Variants in EPB41L2 observed in about 807,000 individuals in gnomAD.
EPB41L2 encodes band 4.1-like protein 2.
EPB41L2 carries 43 observed loss-of-function variants against 113.0 expected under a neutral mutation model. The observed-to-expected ratio is 0.38, with a 90% CI of 0.30 to 0.49. EPB41L2 has a LOEUF of 0.49. Ranked by LOEUF, EPB41L2 falls within the 20% of genes least tolerant of loss-of-function variation. The pLI is 0.95. For synonymous variants in EPB41L2, 442 were observed against 436.7 expected, an observed-to-expected ratio of 1.01 and a Z score of -0.15; for missense variants, 1,147 against 1,223.4, an observed-to-expected ratio of 0.94 and a Z score of 0.93.
chr6:130,891,272 C>G (rs188365894), intron 10 of EPB41L2, among the ~76,000 whole-genome samples: 1 of 151,996 alleles, frequency 6.6e-6, no homozygotes, highest in Admixed American at 6.5e-5. Flanking sequence ...TTAAAGAACA[C>G]TATCATTTCA....
chr6:130,883,700 A>G (rs2128469717), intron 12 of EPB41L2, among the ~76,000 whole-genome samples: 1 of 152,316 alleles, frequency 6.6e-6, no homozygotes, highest in Middle Eastern at 3.4e-3. Flanking sequence ...TTGTTAGCAA[A>G]ATTTTTAAAG....
Position 130,876,006 on chromosome 6 carries a change from G to GA in EPB41L2, c.2043+2097dup, listed in dbSNP as rs200492445. On this transcript the variant is annotated intron_variant, in intron 14 of 19. Transcript: ENST00000337057. ...TCTCAAAAAAAAAAAAAAGAAGAAA[G>GA]AAAAAAAAGAAACTTTTCTAATTAA... Among the ~76,000 whole-genome samples the GA allele has an allele frequency of 4.4e-3, 651 of 148,992 alleles. 7 individuals carry two copies. The highest frequency in any genetic ancestry group is 0.015 in the African/African-American group (624 of 40,836).
rs374574027 is a variant in EPB41L2, at chr6:131,054,324, G to T, written c.-15+8831C>A. 5.2e-4 allele frequency among the ~76,000 whole-genome samples: 71 copies of T among 137,144 alleles called. No individual in the cohort carries two copies. The East Asian group carries it at 8.1e-3, about 16-fold the overall frequency. The allele number at this position is 137,144 out of a possible 152,430, so 90.0% of individuals were successfully genotyped here. On this transcript the variant is annotated intron_variant, in intron 1 of 19. Transcript: ENST00000337057. The stretch of plus-strand genomic sequence containing the variant: ...CTCATTCAAGTCCCTATAGGACCCT[G>T]TCTCTATCTGTCCCTGTCTGTCCCT...
intron 1 of EPB41L2, among the ~76,000 whole-genome samples, chr6:130,989,794 G>A (rs536520075): frequency 3.3e-5 from 5 of 152,294 alleles, no homozygotes; most frequent in East Asian, 1.9e-4. Context: ...TCAGTGGAAC[G>A]AAGTGGATAA....
Position 130,954,608 on chromosome 6 carries a change from T to C in EPB41L2, c.705+497A>G, listed in dbSNP as rs1244153622. On this transcript the variant is annotated intron_variant, in intron 3 of 19. Coordinates refer to ENST00000337057, the MANE Select transcript of EPB41L2 (RefSeq NM_001431.4). ...TGATTGACATAAAATTATAAGGTAC[T>C]AGATGCGTTAAAAGATTAAAGTGAC... 2.0e-5 allele frequency among the ~76,000 whole-genome samples: 3 copies of C among 152,206 alleles called. No homozygotes were observed. In the East Asian group the frequency reaches 5.8e-4, roughly 29 times the overall value.
intron 4 of EPB41L2, among the ~76,000 whole-genome samples, chr6:130,923,274 T>C (rs1803487135): frequency 6.6e-6 from 1 of 152,194 alleles, no homozygotes; most frequent in Admixed American, 6.5e-5. Flanking sequence ...TCTCATCCCA[T>C]GCCACCCATC....
At chr6:130,966,632 G>A (rs150159573) in intron 1 of EPB41L2, among the ~76,000 whole-genome samples, 10 of 152,292 alleles carry the variant, frequency 6.6e-5, no homozygotes, top group South Asian at 2.1e-4. Context: ...GATGACTGCC[G>A]AGGTACAGAT....
intron 3 of EPB41L2, among the ~76,000 whole-genome samples, chr6:130,945,404 T>A (rs940615154): frequency 6.6e-6 from 1 of 152,206 alleles, no homozygotes; most frequent in Admixed American, 6.5e-5. Flanking sequence ...AGAACACTGA[T>A]GAAGAGAGCC....
intron 1 of EPB41L2, among the ~76,000 whole-genome samples, chr6:131,001,482 A>G (rs7758480): frequency 9.8e-5 from 15 of 152,312 alleles, no homozygotes; most frequent in South Asian, 8.3e-4. Context: ...GCCAGAAAAA[A>G]AAGAATTTAT....
intron 1 of EPB41L2, among the ~76,000 whole-genome samples, chr6:130,995,553 C>T (rs115972903): frequency 0.011 from 1,629 of 152,300 alleles, 30 homozygotes; most frequent in African/African-American, 0.036. Context: ...CTGACCACCA[C>T]GGGCACATGT....
intron 16 of EPB41L2, 106 bp downstream of exon 16, chr6:130,867,353 G>A: frequency 7.0e-7 from 1 of 1,426,996 alleles, no homozygotes; most frequent in Non-Finnish European, 9.5e-7. Flanking sequence ...GATACAAAAA[G>A]CTACATCAAA....
intron 14 of EPB41L2, chr6:130,872,602 TATTGGA>T (rs1355426276): frequency 5.4e-6 from 6 of 1,115,268 alleles, no homozygotes; most frequent in Non-Finnish European, 1.2e-6. Context: ...AGCAGTGACC[TATTGGA>T]AGAAAGGAAA....
intron 1 of EPB41L2, among the ~76,000 whole-genome samples, chr6:131,008,119 G>A (rs4895902): frequency 0.72 from 110,281 of 152,210 alleles, 40,301 homozygotes; most frequent in East Asian, 0.86. Context: ...GGTGCTTCCC[G>A]TCACAGGCCC....
At chr6:130,889,895 T>G (rs1251687728) in intron 11 of EPB41L2, among the ~76,000 whole-genome samples, 1 of 152,156 alleles carries the variant, frequency 6.6e-6, no homozygotes, top group African/African-American at 2.4e-5. Flanking sequence ...ATATTTTTTG[T>G]ATTCTGAAAT....
chr6:131,006,162 T>A (rs1484648522), intron 1 of EPB41L2, among the ~76,000 whole-genome samples: 5 of 151,726 alleles, frequency 3.3e-5, no homozygotes. Flanking sequence ...GTTCAAGCGA[T>A]TCTCATGCCT....
At chr6:131,017,105 G>A (rs1291415722) in intron 1 of EPB41L2, among the ~76,000 whole-genome samples, 6 of 152,138 alleles carry the variant, frequency 3.9e-5, no homozygotes, top group Non-Finnish European at 7.4e-5. Flanking sequence ...GTAAGTTCAA[G>A]TCCAACTACC....
At chr6:130,875,502 C>T (rs1787226777) in intron 14 of EPB41L2, among the ~76,000 whole-genome samples, 1 of 152,130 alleles carries the variant, frequency 6.6e-6, no homozygotes, top group Non-Finnish European at 1.5e-5. Flanking sequence ...TCTTTCAGTT[C>T]CTGTGTTGTG....
At chr6:130,987,402 T>C (rs1467725590) in intron 1 of EPB41L2, among the ~76,000 whole-genome samples, 1 of 152,134 alleles carries the variant, frequency 6.6e-6, no homozygotes, top group African/African-American at 2.4e-5. Flanking sequence ...CACTAAATGT[T>C]GTTCTGAGGG....
At chr6:130,929,861 A>T (rs914368716) in intron 3 of EPB41L2, among the ~76,000 whole-genome samples, 1 of 124,584 alleles carries the variant, frequency 8.0e-6, no homozygotes, top group African/African-American at 2.8e-5. Flanking sequence ...AGACAGTCAC[A>T]CACACACACA....
Sources: gnomAD v4.1 joint callset for allele counts (sites outside exome capture counted in the v4.1 genomes callset) on GRCh38, gnomAD v4.1.1 for gene constraint, MANE v1.5 for transcripts, NCBI Gene and HGNC (gene_info 2026-07-23, HGNC 2026-07-21) for gene names.